ESRRG: variants seen among roughly 807,000 people sequenced by gnomAD.
ESRRG encodes the protein estrogen-related receptor gamma.
A neutral mutation model predicts 44.0 loss-of-function variants in ESRRG; 13 were observed. That is an observed-to-expected ratio of 0.30 (90% CI 0.19 to 0.47). The LOEUF is 0.47. ESRRG is among the 20% of genes least tolerant of loss of function. ESRRG has a pLI of 1.00. For missense variants in ESRRG, 395 were observed against 580.6 expected (o/e 0.68, Z 3.29); for synonymous variants, 215 against 214.6 (o/e 1.00, Z -0.02).
chr1:216,794,576 C>T (rs759901339), intron 2 of ESRRG, among the ~76,000 whole-genome samples: 5 of 152,184 alleles, frequency 3.3e-5, no homozygotes, highest in Non-Finnish European at 5.9e-5. Flanking sequence ...TTAGGAGATG[C>T]GCTTGCTTGA....
In ESRRG at chr1:216,514,040, A is replaced by G. The variant is rs571625777; in HGVS notation, c.1132+5112T>C. On this transcript the variant is annotated intron_variant, in intron 6 of 6. Coordinates refer to ENST00000408911, the MANE Select transcript of ESRRG (RefSeq NM_001438.4). ...GGTAATAAGCACATATTACCCAGGT[A>G]TTTACTCAGGTAAATACCTTTGGAA... Among the ~76,000 whole-genome samples the G allele has an allele frequency of 5.3e-5, 8 of 152,252 alleles. No individual in the cohort carries two copies. In the East Asian group the frequency reaches 9.6e-4, roughly 18 times the overall value.
Position 216,514,510 on chromosome 1 carries a change from T to C in ESRRG, c.1132+4642A>G, listed in dbSNP as rs887928907. Among the ~76,000 whole-genome samples the C allele has an allele frequency of 3.9e-5, 6 of 152,116 alleles. No individual in the cohort carries two copies. In the East Asian group the frequency reaches 1.2e-3, roughly 29 times the overall value. On this transcript the variant is annotated intron_variant, in intron 6 of 6. Coordinates refer to ENST00000408911, the MANE Select transcript of ESRRG (RefSeq NM_001438.4). ...TTTCTTGGGTAGTTTTATACTCCTCTAACTCCAAGAAGATGGCAAGATAAA... is the reference window on the plus strand; with the variant it reads ...TTTCTTGGGTAGTTTTATACTCCTCCAACTCCAAGAAGATGGCAAGATAAA...
At chr1:216,588,107 A>C (rs2056990661) in intron 3 of ESRRG, among the ~76,000 whole-genome samples, 1 of 152,138 alleles carries the variant, frequency 6.6e-6, no homozygotes, top group African/African-American at 2.4e-5. Context: ...CCCCTGGTGG[A>C]TGCTCAACTA....
chr1:216,701,347 C>T (rs2081356231), intron 1 of ESRRG: 1 of 152,148 alleles, frequency 6.6e-6, no homozygotes, highest in African/African-American at 2.4e-5. Flanking sequence ...CTGTATGACC[C>T]TGAGATTAAC....
chr1:216,986,696 C>A (rs1051635569), intron 1 of ESRRG, among the ~76,000 whole-genome samples: 1 of 152,046 alleles, frequency 6.6e-6, no homozygotes, highest in African/African-American at 2.4e-5. Flanking sequence ...GACTGTACTC[C>A]AGCCTGGGCA....
intron 1 of ESRRG, among the ~76,000 whole-genome samples, chr1:217,060,793 T>TAGATAGATAGATAGATAGAC (rs1381349164): frequency 6.7e-5 from 3 of 44,948 alleles, no homozygotes; most frequent in Admixed American, 2.1e-4. Flanking sequence ...GAACACTAGA[T>TAGATAGATAGATAGATAGAC]AGATAGATAG....
chr1:217,034,217 T>G (rs1163961603), intron 1 of ESRRG, among the ~76,000 whole-genome samples: 1 of 152,216 alleles, frequency 6.6e-6, no homozygotes, highest in Admixed American at 6.5e-5. Flanking sequence ...TATGAGATTT[T>G]GCAACTTGAA....
rs117310609 is a variant in ESRRG at position 216,886,133 on chromosome 1, T to C, written c.-14+53449A>G. 5.7e-3 allele frequency among the ~76,000 whole-genome samples: 875 copies of C among 152,278 alleles called. 14 individuals carry two copies. The highest frequency in any genetic ancestry group is 0.055 in the East Asian group (284 of 5,176). On this transcript the variant is annotated intron_variant, in intron 2 of 7. Transcript: ENST00000359162. ...TCTCTGAGTAGACGTGTCCCTTAGGTAGGAACAACCAGCTGAACACAACTG... is the reference window on the plus strand; with the variant it reads ...TCTCTGAGTAGACGTGTCCCTTAGGCAGGAACAACCAGCTGAACACAACTG...
At chr1:216,644,773 A>T (rs2067191736) in intron 3 of ESRRG, among the ~76,000 whole-genome samples, 1 of 152,102 alleles carries the variant, frequency 6.6e-6, no homozygotes, top group Non-Finnish European at 1.5e-5. Flanking sequence ...AAGTATGAAA[A>T]TCAAAAATGG....
chr1:216,860,208 G>A (rs913703542), intron 2 of ESRRG, among the ~76,000 whole-genome samples: 2 of 152,202 alleles, frequency 1.3e-5, no homozygotes, highest in African/African-American at 4.8e-5. Context: ...GTGTTGCAGT[G>A]AGGCAAGATC....
At chr1:216,556,142 T>C (rs2057500293) in intron 5 of ESRRG, among the ~76,000 whole-genome samples, 2 of 152,154 alleles carry the variant, frequency 1.3e-5, no homozygotes, top group African/African-American at 4.8e-5. Flanking sequence ...ACCACGAGGC[T>C]TTCTCTCTTT....
intron 5 of ESRRG, among the ~76,000 whole-genome samples, chr1:216,520,377 T>C (rs2045724014): frequency 6.6e-6 from 1 of 152,170 alleles, no homozygotes; most frequent in Non-Finnish European, 1.5e-5. Context: ...ATGTGATCAA[T>C]TCTTTTCTGC....
chr1:216,783,858 G>C (rs140396380), intron 2 of ESRRG, among the ~76,000 whole-genome samples: 1 of 151,982 alleles, frequency 6.6e-6, no homozygotes, highest in Non-Finnish European at 1.5e-5. Context: ...TCCCATTATC[G>C]ATTTACAAAA....
At chr1:216,720,295 C>A (rs2085936921) in intron 1 of ESRRG, among the ~76,000 whole-genome samples, 1 of 152,054 alleles carries the variant, frequency 6.6e-6, no homozygotes, top group Admixed American at 6.6e-5. Context: ...ATTGTCACTT[C>A]AAGCAGTTTA....
At chr1:217,021,840 C>A (rs1335877737) in intron 1 of ESRRG, among the ~76,000 whole-genome samples, 1 of 152,202 alleles carries the variant, frequency 6.6e-6, no homozygotes, top group African/African-American at 2.4e-5. Flanking sequence ...ATAAAATAAC[C>A]CATCCTAATG....
At chr1:216,753,172 T>C (rs909241105) in intron 2 of ESRRG, among the ~76,000 whole-genome samples, 25 of 77,968 alleles carry the variant, frequency 3.2e-4, no homozygotes, top group African/African-American at 1.0e-3. Flanking sequence ...ATCTATATAT[T>C]GATACACACA....
chr1:216,899,348 T>C (rs1039950498), intron 2 of ESRRG, among the ~76,000 whole-genome samples: 4 of 152,186 alleles, frequency 2.6e-5, no homozygotes, highest in Non-Finnish European at 2.9e-5. Context: ...TTTCATATCA[T>C]TGAGAAGTGA....
At chr1:216,629,498 C>T (rs547387079) in intron 3 of ESRRG, among the ~76,000 whole-genome samples, 102 of 152,214 alleles carry the variant, frequency 6.7e-4, no homozygotes, top group African/African-American at 2.4e-3. Flanking sequence ...CCCTATTGGA[C>T]TTATTAACTC....
chr1:217,133,637 C>CTTTCTT (rs1553294741), intron 1 of ESRRG, among the ~76,000 whole-genome samples: 15 of 40,306 alleles, frequency 3.7e-4, no homozygotes, highest in African/African-American at 1.5e-3. Flanking sequence ...TTCTTTCTCT[C>CTTTCTT]TCTCTCTCTC....
Sources: allele counts gnomAD v4.1 joint callset (sites outside exome capture counted in the v4.1 genomes callset), GRCh38; gene constraint gnomAD v4.1.1; transcripts MANE v1.5; gene names NCBI Gene and HGNC (gene_info 2026-07-23, HGNC 2026-07-21).